The following STX8 variants were observed in gnomAD, a reference collection of about 807,000 sequenced individuals.
STX8 encodes the protein syntaxin-8.
In STX8, 23 loss-of-function variants were observed where a neutral mutation model predicts 37.5. The observed-to-expected ratio is 0.61, with a 90% CI of 0.44 to 0.87. STX8 has a LOEUF of 0.87. Among genes scored for constraint, STX8 ranks in the 40% least tolerant of loss-of-function variants. The pLI is 0.00. For missense variants in STX8, 313 were observed against 284.7 expected (o/e 1.10, Z -0.71); for synonymous variants, 115 against 99.1 (o/e 1.16, Z -0.95).
chr17:9,488,821 A>AGTGT (rs71135988), intron 6 of STX8, among the ~76,000 whole-genome samples: 69,179 of 144,004 alleles, frequency 0.48, 18,061 homozygotes, highest in Middle Eastern at 0.63. Context: ...AGAGAGAGAG[A>AGTGT]GTGTGTGTGT....
rs774167433 is a variant in STX8 at position 9,284,847 on chromosome 17, AG to A, written c.644-34203del. 6.0e-4 allele frequency among the ~76,000 whole-genome samples: 92 copies of A among 152,302 alleles called. 1 individual carries two copies. The highest frequency in any genetic ancestry group is 4.3e-4 in the Non-Finnish European group (29 of 68,006). ...CAAAAAGTTTCTGACTTGACTTTCT[AG>A]GGGCCGAAACACGCAAGATCCTTCT... On this transcript the variant is annotated intron_variant, in intron 7 of 7. Coordinates refer to ENST00000306357, the MANE Select transcript of STX8 (RefSeq NM_004853.3).
chr17:9,326,105 C>T (rs930942321), intron 7 of STX8, among the ~76,000 whole-genome samples: 1 of 151,436 alleles, frequency 6.6e-6, no homozygotes, highest in Non-Finnish European at 1.5e-5. Flanking sequence ...TTGGTTTTAG[C>T]CACCTTTGGT....
chr17:9,412,179 G>T (rs72816185), intron 6 of STX8, among the ~76,000 whole-genome samples: 2 of 152,162 alleles, frequency 1.3e-5, no homozygotes, highest in Non-Finnish European at 2.9e-5. Context: ...CTAGGGTGAG[G>T]GAAATAAGAA....
intron 6 of STX8, among the ~76,000 whole-genome samples, chr17:9,406,727 T>A (rs749065133): frequency 1.3e-5 from 2 of 152,238 alleles, no homozygotes; most frequent in African/African-American, 2.4e-5. Flanking sequence ...TTCTTAAAAA[T>A]TTTCAGTGTT....
chr17:9,491,766 A>G (rs1229988684), intron 6 of STX8, 63 bp downstream of exon 6: 2 of 1,383,944 alleles, frequency 1.4e-6, no homozygotes, highest in East Asian at 4.6e-5. Context: ...TCATTCAACA[A>G]ATGCTCAAGC....
intron 6 of STX8, among the ~76,000 whole-genome samples, chr17:9,404,893 T>C (rs1329669005): frequency 6.6e-6 from 1 of 152,186 alleles, no homozygotes; most frequent in Non-Finnish European, 1.5e-5. Flanking sequence ...GGTCAACTTA[T>C]GTTAATTCCT....
Position 9,440,673 on chromosome 17 carries a change from G to A in STX8, c.541+51156C>T, listed in dbSNP as rs961808684. 2.6e-5 allele frequency among the ~76,000 whole-genome samples: 4 copies of A among 152,076 alleles called. 1 individual carries two copies. In the East Asian group the frequency reaches 7.8e-4, roughly 29 times the overall value. On this transcript the variant is annotated intron_variant, in intron 6 of 7. Coordinates refer to ENST00000306357, the MANE Select transcript of STX8 (RefSeq NM_004853.3). ...CTGAGTAGCTGGGATTGCAGGCGTG[G>A]ACCACCACGCTCAGCTAATTTTTGT...
intron 6 of STX8, among the ~76,000 whole-genome samples, chr17:9,487,181 C>T (rs571649318): frequency 5.3e-5 from 8 of 152,222 alleles, no homozygotes; most frequent in Admixed American, 1.3e-4. Flanking sequence ...GAAGATAATT[C>T]GACCTTTCAG....
At chr17:9,397,011 A>C (rs932199121) in intron 6 of STX8, among the ~76,000 whole-genome samples, 1 of 152,256 alleles carries the variant, frequency 6.6e-6, no homozygotes, top group African/African-American at 2.4e-5. Context: ...GGACTTGCAC[A>C]TAAGCCCTGA....
intron 4 of STX8, among the ~76,000 whole-genome samples, chr17:9,526,888 T>G (rs1430039161): frequency 1.3e-5 from 2 of 149,362 alleles, no homozygotes; most frequent in Non-Finnish European, 3.0e-5. Flanking sequence ...AAAAAAAAAG[T>G]AACGTAATGA....
intron 7 of STX8, among the ~76,000 whole-genome samples, chr17:9,264,931 T>C (rs759658188): frequency 5.9e-5 from 9 of 151,578 alleles, no homozygotes; most frequent in African/African-American, 2.2e-4. Context: ...CTAGGCTCCA[T>C]AGGGAGACCT....
chr17:9,464,084 CAAAAAT>C (rs1304138900), intron 6 of STX8, among the ~76,000 whole-genome samples: 3 of 152,124 alleles, frequency 2.0e-5, no homozygotes, highest in South Asian at 2.1e-4. Context: ...AAAACAAAAA[CAAAAAT>C]AAAAGTCAAA....
At chr17:9,519,602 A>T (rs1481335458) in intron 4 of STX8, among the ~76,000 whole-genome samples, 1 of 151,820 alleles carries the variant, frequency 6.6e-6, no homozygotes, top group East Asian at 1.9e-4. Context: ...TAAAACAGAG[A>T]TCTCACCCTA....
chr17:9,274,714 TAAAC>T (rs376495395), intron 7 of STX8, among the ~76,000 whole-genome samples: 98 of 85,030 alleles, frequency 1.2e-3, no homozygotes, highest in East Asian at 1.7e-3. Context: ...ATAATAATAA[TAAAC>T]AAAGTCTTCA....
chr17:9,414,435 T>C (rs962878943), intron 6 of STX8, among the ~76,000 whole-genome samples: 3 of 152,282 alleles, frequency 2.0e-5, no homozygotes, highest in East Asian at 1.9e-4. Flanking sequence ...CTGGATGTCA[T>C]GGCAACACCA....
chr17:9,342,319 C>T (rs1251345931), intron 7 of STX8, among the ~76,000 whole-genome samples: 1 of 152,116 alleles, frequency 6.6e-6, no homozygotes, highest in Non-Finnish European at 1.5e-5. Context: ...GGTTGGGGAC[C>T]CCTGCTCCAG....
intron 7 of STX8, among the ~76,000 whole-genome samples, chr17:9,333,267 T>G (rs1004222096): frequency 5.9e-5 from 9 of 152,176 alleles, no homozygotes; most frequent in African/African-American, 2.2e-4. Flanking sequence ...TCCCCCACAA[T>G]AGTCCCCAAT....
intron 7 of STX8, among the ~76,000 whole-genome samples, chr17:9,256,231 C>A (rs1211406149): frequency 6.6e-6 from 1 of 151,830 alleles, no homozygotes; most frequent in Non-Finnish European, 1.5e-5. Flanking sequence ...GTGGGTAGGA[C>A]CCCTCTGCCC....
intron 7 of STX8, among the ~76,000 whole-genome samples, chr17:9,363,882 C>T (rs1911142718): frequency 6.6e-6 from 1 of 152,082 alleles, no homozygotes; most frequent in South Asian, 2.1e-4. Flanking sequence ...CCTGTCAGTC[C>T]CTATCAACCA....
Sources: gnomAD v4.1 joint callset for allele counts (sites outside exome capture counted in the v4.1 genomes callset) on GRCh38, gnomAD v4.1.1 for gene constraint, MANE v1.5 for transcripts, NCBI Gene and HGNC (gene_info 2026-07-23, HGNC 2026-07-21) for gene names.